GALNT13: variants seen among roughly 807,000 people sequenced by gnomAD.
GALNT13 encodes polypeptide N-acetylgalactosaminyltransferase 13.
Under a neutral mutation model 64.2 loss-of-function variants are expected in GALNT13, and 28 were observed. The ratio of observed to expected loss-of-function variants is 0.44; its 90% CI spans 0.32 to 0.60. The LOEUF (loss-of-function observed/expected upper bound fraction) is 0.60, where lower values mean the gene tolerates loss of function less well. Among genes scored for constraint, GALNT13 ranks in the 20% least tolerant of loss-of-function variants. The probability of loss-of-function intolerance (pLI) is 0.05; values close to 1 mark genes in which losing one functional copy is unlikely to be tolerated. For synonymous variants in GALNT13, 214 were observed against 224.6 expected, an observed-to-expected ratio of 0.95 and a Z score of 0.42; for missense variants, 577 against 669.8, an observed-to-expected ratio of 0.86 and a Z score of 1.53.
In GALNT13 at chr2:153,914,774, G is replaced by A. The variant is rs141373745; in HGVS notation, c.-105+13767G>A. ...AGTATGGTACCTGGGGCACATGATAGTTTTTTCAGTGTTTTTTTTCCAACC... is the reference window on the plus strand; with the variant it reads ...AGTATGGTACCTGGGGCACATGATAATTTTTTCAGTGTTTTTTTTCCAACC... On this transcript the variant is annotated intron_variant, in intron 2 of 12. Transcript: ENST00000392825. Among the ~76,000 whole-genome samples, 619 of 152,206 alleles carry A rather than the reference G, an allele frequency of 4.1e-3. 3 individuals are homozygous for A. The highest frequency in any genetic ancestry group is 0.014 in the African/African-American group (592 of 41,540).
the GALNT13 span, among the ~76,000 whole-genome samples, chr2:153,099,346 A>G: frequency 1.3e-5 from 2 of 152,188 alleles, no homozygotes; most frequent in African/African-American, 4.8e-5. Context: ...AATGATCAAA[A>G]TGAGTGCAAA....
intron 4 of GALNT13, among the ~76,000 whole-genome samples, chr2:154,154,435 G>A (rs1389388035): frequency 6.6e-6 from 1 of 152,140 alleles, no homozygotes; most frequent in Non-Finnish European, 1.5e-5. Context: ...ATTTAGACAT[G>A]TGATAATAGT....
the GALNT13 span, among the ~76,000 whole-genome samples, chr2:153,552,884 TC>T: frequency 3.6e-3 from 551 of 152,162 alleles, 7 homozygotes; most frequent in African/African-American, 0.013. Context: ...ACAACAGGGT[TC>T]CCCCTCCTAT....
intron 3 of GALNT13, among the ~76,000 whole-genome samples, chr2:154,030,413 A>G (rs192521186): frequency 6.6e-6 from 1 of 152,260 alleles, no homozygotes; most frequent in Admixed American, 6.6e-5. Context: ...TCCGAATTTT[A>G]TAACCACTGA....
chr2:154,144,608 A>T (rs536581664), intron 4 of GALNT13, among the ~76,000 whole-genome samples: 5 of 152,170 alleles, frequency 3.3e-5, no homozygotes, highest in Non-Finnish European at 7.4e-5. Context: ...TTACTGCGTT[A>T]TACCTTTAAA....
chr2:153,353,455 T>G, the GALNT13 span, among the ~76,000 whole-genome samples: 1 of 152,170 alleles, frequency 6.6e-6, no homozygotes, highest in Admixed American at 6.5e-5. Flanking sequence ...CTTTTTTGTC[T>G]TATTGTATTA....
the GALNT13 span, among the ~76,000 whole-genome samples, chr2:153,416,293 C>T: frequency 6.6e-6 from 1 of 152,154 alleles, no homozygotes; most frequent in Non-Finnish European, 1.5e-5. Flanking sequence ...TAGGTCTCTT[C>T]CAGACACACT....
intron 4 of GALNT13, among the ~76,000 whole-genome samples, chr2:154,195,242 C>T (rs555691571): frequency 8.5e-5 from 13 of 152,224 alleles, no homozygotes; most frequent in Admixed American, 4.6e-4. Flanking sequence ...TTTCTCTCTC[C>T]GGACTTTTGT....
chr2:153,120,082 T>A, the GALNT13 span, among the ~76,000 whole-genome samples: 5 of 152,160 alleles, frequency 3.3e-5, no homozygotes, highest in Non-Finnish European at 7.3e-5. Context: ...AAGTTTTGAG[T>A]GTGTTAATAT....
rs1435216026 is a variant in GALNT13, at chr2:154,450,462, G to C, written c.1582G>C (p.Glu528Gln). ...NSNQCLDEPSEEDKMVPTMQD... is the reference protein window; with the variant it reads ...NSNQCLDEPSQEDKMVPTMQD... ...TAACCAATGTCTCGATGAACCTTCT[G>C]AAGAAGACAAAATGGTGCCTACAAT... The change falls in exon 13 of 13, where the codon GAA becomes CAA. Residue 528 changes from glutamate to glutamine, a missense_variant. Physicochemically the swap from Glu to Gln is conservative, Grantham distance 29 (BLOSUM62 2). This residue lies in a region of GALNT13 where 232 missense variants were observed against 270.6 expected (regional missense o/e 0.86). Transcript: ENST00000392825. The C allele has an allele frequency of 6.2e-7, 1 of 1,612,586 alleles. No homozygotes were observed. The highest frequency in any genetic ancestry group is 1.7e-5 in the Admixed American group (1 of 59,782).
At chr2:153,382,196 C>G in the GALNT13 span, among the ~76,000 whole-genome samples, 1 of 151,864 alleles carries the variant, frequency 6.6e-6, no homozygotes, top group Admixed American at 6.6e-5. Flanking sequence ...TGCTTCAGGA[C>G]CTTTTTTGTT....
chr2:153,714,904 G>A, the GALNT13 span, among the ~76,000 whole-genome samples: 15 of 152,232 alleles, frequency 9.9e-5, no homozygotes, highest in African/African-American at 3.4e-4. Context: ...TGAAATACCC[G>A]TGTTAGGGAA....
chr2:153,532,376 A>G, the GALNT13 span, among the ~76,000 whole-genome samples: 1 of 152,116 alleles, frequency 6.6e-6, no homozygotes, highest in Admixed American at 6.5e-5. Flanking sequence ...CTGTGTCCCA[A>G]GGCTGCATGA....
At chr2:153,409,364 A>ATTCATATGTATATGTATATG in the GALNT13 span, among the ~76,000 whole-genome samples, 1 of 149,596 alleles carries the variant, frequency 6.7e-6, no homozygotes, top group African/African-American at 2.4e-5. Flanking sequence ...ATATGTATAT[A>ATTCATATGTATATGTATATG]TTCATATGTG....
At chr2:153,665,620 G>A in the GALNT13 span, among the ~76,000 whole-genome samples, 3 of 152,164 alleles carry the variant, frequency 2.0e-5, no homozygotes, top group Non-Finnish European at 2.9e-5. Flanking sequence ...GATAAAAAGG[G>A]GGTGAACAAA....
chr2:153,379,547 G>A, the GALNT13 span, among the ~76,000 whole-genome samples: 3 of 152,108 alleles, frequency 2.0e-5, no homozygotes, highest in African/African-American at 7.2e-5. Context: ...TGACAACAAC[G>A]TTTCATTTAC....
the GALNT13 span, among the ~76,000 whole-genome samples, chr2:153,219,819 G>A: frequency 2.0e-5 from 3 of 152,188 alleles, no homozygotes; most frequent in Non-Finnish European, 4.4e-5. Context: ...CTGCTTCAGA[G>A]TGCTCAAAGC....
intron 3 of GALNT13, among the ~76,000 whole-genome samples, chr2:154,106,891 A>G (rs187263086): frequency 6.6e-6 from 1 of 152,146 alleles, no homozygotes; most frequent in Non-Finnish European, 1.5e-5. Flanking sequence ...TTTGATCCCC[A>G]GTGTTTTAGG....
chr2:153,857,603 C>G, the GALNT13 span, among the ~76,000 whole-genome samples: 1 of 152,050 alleles, frequency 6.6e-6, no homozygotes, highest in African/African-American at 2.4e-5. Flanking sequence ...AGAGGTCAGA[C>G]GAGTTATAGA....
Sources: gnomAD v4.1 joint callset for allele counts (sites outside exome capture counted in the v4.1 genomes callset) on GRCh38, gnomAD v4.1.1 for gene constraint, gnomAD v4.1.1 regional missense constraint, MANE v1.5 for transcripts, NCBI Gene and HGNC (gene_info 2026-07-23, HGNC 2026-07-21) for gene names.